GFRA2: variants seen among roughly 807,000 people sequenced by gnomAD.
GFRA2 encodes GDNF family receptor alpha-2.
In GFRA2, 17 loss-of-function variants were observed where a neutral mutation model predicts 48.3. The ratio of observed to expected loss-of-function variants is 0.35; its 90% CI spans 0.24 to 0.53. The LOEUF (loss-of-function observed/expected upper bound fraction) is 0.53, where lower values mean the gene tolerates loss of function less well. Among genes scored for constraint, GFRA2 ranks in the 20% least tolerant of loss-of-function variants. The pLI, the probability that GFRA2 is intolerant of heterozygous loss-of-function variation, is 0.93. For synonymous variants in GFRA2, 305 were observed against 257.2 expected (o/e 1.19, Z -1.78); for missense variants, 660 against 637.3 (o/e 1.04, Z -0.38).
chr8:21,715,259 G>A (rs1803273808), intron 4 of GFRA2, among the ~76,000 whole-genome samples: 1 of 152,200 alleles, frequency 6.6e-6, no homozygotes. Flanking sequence ...CTCCCCTGGG[G>A]TGGGCTGGGG....
chr8:21,720,137 A>T lies in GFRA2; in HGVS notation c.795-14096T>A, dbSNP rs76222980. On this transcript the variant is annotated intron_variant, in intron 4 of 8. Coordinates refer to ENST00000524240, the MANE Select transcript of GFRA2 (RefSeq NM_001495.5). ...CATATTGTTACAAAGATTCAGAGAG[A>T]TTCTTGCATCAAATCACATTCCTGA... 4.2e-3 allele frequency among the ~76,000 whole-genome samples: 462 copies of T among 109,896 alleles called. 14 individuals carry two copies. In the East Asian group the frequency reaches 0.09, roughly 21 times the overall value. 72.1% of individuals were successfully genotyped at this position (109,896 alleles called of 152,430 possible). A position where few individuals can be genotyped will look rare whatever the true frequency, so the allele number is the denominator to read the frequency against.
chr8:21,709,696 G>A (rs79228030), intron 4 of GFRA2, among the ~76,000 whole-genome samples: 4 of 152,274 alleles, frequency 2.6e-5, no homozygotes, highest in Non-Finnish European at 5.9e-5. Context: ...CACACTCTCT[G>A]CAGGTACTGG....
intron 4 of GFRA2, among the ~76,000 whole-genome samples, chr8:21,727,010 A>G (rs1803903885): frequency 6.6e-6 from 1 of 152,160 alleles, no homozygotes; most frequent in Admixed American, 6.5e-5. Flanking sequence ...TCGGCCTCCC[A>G]AAGTGCTGGG....
chr8:21,775,029 AG>A lies in GFRA2; in HGVS notation c.381del (p.Tyr128MetfsTer4). 6.2e-7 allele frequency: 1 copy of A among 1,601,372 alleles called. No homozygotes were observed. On this transcript the variant is annotated frameshift_variant, in exon 3 of 9. Coordinates refer to ENST00000524240, the MANE Select transcript of GFRA2 (RefSeq NM_001495.5). LOFTEE classifies it high-confidence loss of function. The stretch of plus-strand genomic sequence containing the variant: ...GAGAGGCGGGAGGTCACCGGCTCAT[AG>A]GGGGAGGCTTCGTAGAACTCCTCAC... The part of the protein sequence containing the change: ...TEGEEFYEAS[P>X]YEPVTSRLSD...
Position 21,693,464 on chromosome 8 carries a change from G to A in GFRA2, c.1273-64C>T, listed in dbSNP as rs1801972658. The A allele has an allele frequency of 2.7e-6, 4 of 1,484,800 alleles. No homozygotes were observed. The Admixed American group carries it at 8.2e-5, about 30-fold the overall frequency. The allele number at this position is 1,484,800 out of a possible 1,614,324, so 92.0% of individuals were successfully genotyped here. A position where few individuals can be genotyped will look rare whatever the true frequency, so the allele number is the denominator to read the frequency against. On this transcript the variant is annotated intron_variant, in intron 8 of 8. Transcript: ENST00000524240. Reference sequence around the variant, plus strand: ...ATGAAAACAAAGAAAACAGTCAGGAGGCCTGGGACCCGGCAGAGAAACGGA... The same window carrying A: ...ATGAAAACAAAGAAAACAGTCAGGAAGCCTGGGACCCGGCAGAGAAACGGA...
intron 4 of GFRA2, among the ~76,000 whole-genome samples, chr8:21,744,227 C>A (rs939462753): frequency 1.3e-5 from 2 of 152,120 alleles, no homozygotes; most frequent in Non-Finnish European, 2.9e-5. Flanking sequence ...TCCTTCCCAC[C>A]CCCTGAGGAC....
chr8:21,777,424 A>G (rs1406923819), intron 2 of GFRA2, among the ~76,000 whole-genome samples: 2 of 152,086 alleles, frequency 1.3e-5, no homozygotes, highest in African/African-American at 4.8e-5. Flanking sequence ...GGGTGGGGAC[A>G]GCCTCTTCCG....
intron 4 of GFRA2, among the ~76,000 whole-genome samples, chr8:21,734,168 T>G (rs1804338425): frequency 6.6e-6 from 1 of 152,208 alleles, no homozygotes; most frequent in African/African-American, 2.4e-5. Flanking sequence ...TGGGGCACTC[T>G]GTTGGGCTCC....
intron 4 of GFRA2, chr8:21,706,517 C>G (rs1414348330): frequency 6.7e-6 from 3 of 445,918 alleles, no homozygotes; most frequent in African/African-American, 2.0e-5. Context: ...TTCATAGGAC[C>G]TATCTGAGGG....
intron 7 of GFRA2, among the ~76,000 whole-genome samples, chr8:21,701,909 A>G (rs1223233514): frequency 2.0e-5 from 3 of 152,118 alleles, no homozygotes; most frequent in Non-Finnish European, 4.4e-5. Flanking sequence ...TTATGACCAC[A>G]AGGAACCACA....
chr8:21,744,609 G>A (rs1023376211), intron 4 of GFRA2, among the ~76,000 whole-genome samples: 1 of 146,932 alleles, frequency 6.8e-6, no homozygotes, highest in African/African-American at 2.7e-5. Context: ...TCTTTGCAAT[G>A]GCTGTAAGCT....
Position 21,696,331 on chromosome 8 carries a change from T to TTGTTTTGTATATTGGAGTCTTAGC in GFRA2, c.1219-1838_1219-1815dup, listed in dbSNP as rs550123127. ...TCCACCATAACAGCTCCATTTTTAT[T>TTGTTTTGTATATTGGAGTCTTAGC]TGTTTTGTATATTGGAGTCTTAGCT... On this transcript the variant is annotated intron_variant, in intron 7 of 8. Transcript: ENST00000524240. Among the ~76,000 whole-genome samples the TTGTTTTGTATATTGGAGTCTTAGC allele has an allele frequency of 2.5e-3, 383 of 151,964 alleles. 1 individual carries two copies. Among genetic ancestry groups the TTGTTTTGTATATTGGAGTCTTAGC allele is most frequent in the East Asian group, 0.016 (84 of 5,142 alleles).
At chr8:21,730,050 G>A (rs1012730096) in intron 4 of GFRA2, among the ~76,000 whole-genome samples, 3 of 152,098 alleles carry the variant, frequency 2.0e-5, no homozygotes, top group Admixed American at 6.6e-5. Flanking sequence ...GGTGGGAGGG[G>A]GGGCCTCATA....
rs1159867192 is a variant in GFRA2, at chr8:21,797,287, C to CTTTTTTTT, written c.-36+7722_-36+7729dup. 2.5e-3 allele frequency among the ~76,000 whole-genome samples: 213 copies of CTTTTTTTT among 85,654 alleles called. 1 individual carries two copies. Among genetic ancestry groups the CTTTTTTTT allele is most frequent in the East Asian group, 4.9e-3 (12 of 2,430 alleles). 56.2% of individuals were successfully genotyped at this position (85,654 alleles called of 152,430 possible). ...TCTTTCTTTTTTTTTCCTTTCTTTG[C>CTTTTTTTT]TTTTTTTTTTTTTTTTTTTTTTTGA... is the stretch of plus-strand genomic sequence containing the variant. On this transcript the variant is annotated intron_variant, in intron 2 of 10. Coordinates refer to the GFRA2 transcript ENST00000517328.
Position 21,745,615 on chromosome 8 carries a change from G to A in GFRA2, c.794+4973C>T, listed in dbSNP as rs369391319. On this transcript the variant is annotated intron_variant, in intron 4 of 8. Transcript: ENST00000524240. Reference sequence around the variant, plus strand: ...GGAGGAAGTCAAACCAGGGAAAGGAGGAAGTGCACCCCTTCCCAGGCACAG... The same window carrying A: ...GGAGGAAGTCAAACCAGGGAAAGGAAGAAGTGCACCCCTTCCCAGGCACAG... 1.5e-4 allele frequency among the ~76,000 whole-genome samples: 23 copies of A among 152,340 alleles called. 1 individual carries two copies. The highest frequency in any genetic ancestry group is 1.0e-3 in the South Asian group (5 of 4,830).
chr8:21,789,515 G>C (rs1409511770), upstream of GFRA2, among the ~76,000 whole-genome samples: 1 of 152,050 alleles, frequency 6.6e-6, no homozygotes, highest in Non-Finnish European at 1.5e-5. Flanking sequence ...TCCACCCTCC[G>C]TGGGCTAAGG....
intron 4 of GFRA2, among the ~76,000 whole-genome samples, chr8:21,741,836 C>T (rs1240625883): frequency 7.9e-5 from 12 of 151,354 alleles, no homozygotes; most frequent in East Asian, 1.9e-4. Flanking sequence ...GCAGGAGAAT[C>T]GCTTGAACCA....
intron 2 of GFRA2, among the ~76,000 whole-genome samples, chr8:21,777,660 G>C (rs1382689095): frequency 6.6e-6 from 1 of 152,234 alleles, no homozygotes; most frequent in Admixed American, 6.5e-5. Flanking sequence ...AAGCCCCCAT[G>C]CAGCCAAGAG....
chr8:21,762,045 G>C (rs1313699070), intron 3 of GFRA2, among the ~76,000 whole-genome samples: 1 of 152,092 alleles, frequency 6.6e-6, no homozygotes, highest in African/African-American at 2.4e-5. Flanking sequence ...ACACTGCCCT[G>C]CTAGGAAAAG....
Sources: allele counts gnomAD v4.1 joint callset (sites outside exome capture counted in the v4.1 genomes callset), GRCh38; gene constraint gnomAD v4.1.1; transcripts MANE v1.5; gene names NCBI Gene and HGNC (gene_info 2026-07-23, HGNC 2026-07-21).